Variants in ASH1L observed in about 807,000 individuals in gnomAD.
The protein encoded by ASH1L is histone-lysine N-methyltransferase ASH1L.
A neutral mutation model predicts 269.0 loss-of-function variants in ASH1L; 23 were observed. The observed-to-expected ratio is 0.09, with a 90% CI of 0.06 to 0.12. ASH1L has a LOEUF of 0.12. ASH1L is among the 10% of genes least tolerant of loss of function. The probability of loss-of-function intolerance (pLI) is 1.00; values close to 1 mark genes in which losing one functional copy is unlikely to be tolerated. For missense variants in ASH1L, 2,912 were observed against 3,567.8 expected (o/e 0.82, Z 4.68); for synonymous variants, 1,187 against 1,253.5 (o/e 0.95, Z 1.12).
intron 6 of ASH1L, among the ~76,000 whole-genome samples, chr1:155,414,756 C>T (rs901945393): frequency 2.0e-5 from 3 of 152,046 alleles, no homozygotes; most frequent in Non-Finnish European, 4.4e-5. Flanking sequence ...TCTTTGTATC[C>T]TTTTTACATG....
At chr1:155,429,905 G>A (rs561753753) in intron 5 of ASH1L, among the ~76,000 whole-genome samples, 3 of 152,082 alleles carry the variant, frequency 2.0e-5, no homozygotes, top group Non-Finnish European at 4.4e-5. Context: ...ACAAGCTCAA[G>A]CAATCCCTTA....
At chr1:155,452,562 T>C (rs1453864996) in intron 4 of ASH1L, among the ~76,000 whole-genome samples, 1 of 151,606 alleles carries the variant, frequency 6.6e-6, no homozygotes, top group East Asian at 1.9e-4. Flanking sequence ...TTTTTTTTTT[T>C]TTTTTCCTTT....
At position 155,357,425 on chromosome 1, in the gene ASH1L, G is replaced by C. The variant is rs752591182; in HGVS notation, c.6961-15C>G. 4 of 1,604,654 alleles carry C rather than the reference G, an allele frequency of 2.5e-6. No homozygotes were observed. The East Asian group carries it at 8.9e-5, about 36-fold the overall frequency. On this transcript the variant is annotated splice_polypyrimidine_tract_variant and intron_variant, in intron 14 of 27. Transcript: ENST00000392403. ...AGATGGCCTCTCTGAAAAAGAGATGGATCAGATTAGAGATTTAAAAAAATA... is the reference window on the plus strand; with the variant it reads ...AGATGGCCTCTCTGAAAAAGAGATGCATCAGATTAGAGATTTAAAAAAATA...
intron 4 of ASH1L, among the ~76,000 whole-genome samples, chr1:155,441,383 C>T (rs1267222890): frequency 6.8e-6 from 1 of 146,318 alleles, no homozygotes; most frequent in Non-Finnish European, 1.5e-5. Context: ...AGTTGGCATA[C>T]TGGCCAACAG....
intron 19 of ASH1L, among the ~76,000 whole-genome samples, chr1:155,348,779 G>A (rs1417692748): frequency 1.3e-5 from 2 of 151,940 alleles, no homozygotes; most frequent in Admixed American, 1.3e-4. Context: ...TACTCAGGAG[G>A]CTGAGGCAGG....
chr1:155,347,320 T>C (rs10157264), intron 20 of ASH1L, among the ~76,000 whole-genome samples: 1,588 of 152,090 alleles, frequency 0.01, 32 homozygotes, highest in African/African-American at 0.036. Flanking sequence ...GGTGGGAGGA[T>C]TGCTTGAGCC....
At chr1:155,544,586 C>G (rs748842072) in intron 1 of ASH1L, among the ~76,000 whole-genome samples, 1 of 151,690 alleles carries the variant, frequency 6.6e-6, no homozygotes, top group Non-Finnish European at 1.5e-5. Context: ...CGTGCCCGGC[C>G]GAGAAACCCT....
In ASH1L at chr1:155,479,680, AAAG is replaced by A; in HGVS notation, c.3187_3189del (p.Leu1063del). The A allele has an allele frequency of 1.2e-6, 2 of 1,614,196 alleles. No homozygotes were observed. Among genetic ancestry groups the A allele is most frequent in the South Asian group, 2.2e-5 (2 of 91,084 alleles). ...ACAGCAAGGCTAGTAGGACTACCAG[AAAG>A]AATACCATTTAAGACAGTTTTTGGT... is the stretch of plus-strand genomic sequence containing the variant. On this transcript the variant is annotated inframe_deletion, in exon 3 of 28. Transcript: ENST00000392403.
At position 155,556,529 on chromosome 1, in the gene ASH1L, C is replaced by G. The variant is rs368563637; in HGVS notation, c.-100+5624G>C. On this transcript the variant is annotated intron_variant, in intron 1 of 27. Transcript: ENST00000392403. ...GCGTGATCTCAGCTCACTGCAACCT[C>G]CACCTCCCAGGTTCAACTGATTCTT... 1.1e-4 allele frequency among the ~76,000 whole-genome samples: 16 copies of G among 152,042 alleles called. 1 individual carries two copies. The East Asian group carries it at 2.1e-3, about 20-fold the overall frequency.
At chr1:155,483,264 C>T in intron 2 of ASH1L, among the ~76,000 whole-genome samples, 1 of 152,124 alleles carries the variant, frequency 6.6e-6, no homozygotes, top group East Asian at 1.9e-4. Context: ...ATAAAGACGA[C>T]AATTTTCCCT....
At chr1:155,504,372 G>A (rs899540591) in intron 2 of ASH1L, among the ~76,000 whole-genome samples, 1 of 152,000 alleles carries the variant, frequency 6.6e-6, no homozygotes. Flanking sequence ...TTAAAAATAC[G>A]TTGCAACTCA....
intron 15 of ASH1L, among the ~76,000 whole-genome samples, chr1:155,355,899 A>G (rs551763204): frequency 8.6e-5 from 13 of 152,034 alleles, no homozygotes; most frequent in Non-Finnish European, 1.8e-4. Flanking sequence ...TAATATGTCA[A>G]CAAAGCAGGT....
chr1:155,455,349 A>G (rs903757049), intron 4 of ASH1L, among the ~76,000 whole-genome samples: 2 of 152,220 alleles, frequency 1.3e-5, no homozygotes, highest in African/African-American at 2.4e-5. Context: ...CCTGATATGC[A>G]TAATAAAGAC....
At chr1:155,524,948 T>G (rs1213374120) in intron 1 of ASH1L, among the ~76,000 whole-genome samples, 1 of 152,056 alleles carries the variant, frequency 6.6e-6, no homozygotes, top group Non-Finnish European at 1.5e-5. Flanking sequence ...AAATAATAAT[T>G]TTAAAAGTTC....
At chr1:155,461,586 C>T (rs904731273) in intron 3 of ASH1L, among the ~76,000 whole-genome samples, 13 of 151,858 alleles carry the variant, frequency 8.6e-5, no homozygotes, top group Non-Finnish European at 1.3e-4. Flanking sequence ...AACTGAATGT[C>T]GCAATGAAAC....
intron 5 of ASH1L, among the ~76,000 whole-genome samples, chr1:155,423,398 G>A (rs574400808): frequency 3.3e-5 from 5 of 151,938 alleles, no homozygotes; most frequent in Non-Finnish European, 7.4e-5. Flanking sequence ...GGCCAACATG[G>A]TGAAACCCCG....
chr1:155,516,605 C>A (rs1458593139), intron 2 of ASH1L, among the ~76,000 whole-genome samples: 2 of 151,914 alleles, frequency 1.3e-5, no homozygotes, highest in Non-Finnish European at 2.9e-5. Flanking sequence ...CCAGCTTGGG[C>A]AAAACAGCAA....
chr1:155,488,214 T>C (rs12731633), intron 2 of ASH1L, among the ~76,000 whole-genome samples: 1 of 151,980 alleles, frequency 6.6e-6, no homozygotes, highest in Non-Finnish European at 1.5e-5. Flanking sequence ...GAAATAAATA[T>C]CTGAGAGAAA....
chr1:155,361,200 A>G (rs1654908380), intron 12 of ASH1L, among the ~76,000 whole-genome samples: 1 of 151,900 alleles, frequency 6.6e-6, no homozygotes, highest in Non-Finnish European at 1.5e-5. Flanking sequence ...AGGCCAACAT[A>G]GTGAAACCCC....
Sources: gnomAD v4.1 joint callset for allele counts (sites outside exome capture counted in the v4.1 genomes callset) on GRCh38, gnomAD v4.1.1 for gene constraint, MANE v1.5 for transcripts, NCBI Gene and HGNC (gene_info 2026-07-23, HGNC 2026-07-21) for gene names.